SH3BGRL: variants seen among roughly 807,000 people sequenced by gnomAD.
The protein encoded by SH3BGRL is adapter SH3BGRL.
Under a neutral mutation model 9.8 loss-of-function variants are expected in SH3BGRL, and 7 were observed. The observed-to-expected ratio is 0.72, with a 90% CI of 0.41 to 1.35. The LOEUF is 1.35. SH3BGRL is among the 40% of genes most tolerant of loss of function. The pLI is 0.01. For synonymous variants in SH3BGRL, 36 were observed against 29.1 expected, an observed-to-expected ratio of 1.24 and a Z score of -0.76; for missense variants, 73 against 84.4, an observed-to-expected ratio of 0.86 and a Z score of 0.53.
intron 1 of SH3BGRL, among the ~76,000 whole-genome samples, chrX:81,235,240 G>T (rs998644867): frequency 9.1e-6 from 1 of 109,721 alleles, no homozygotes; most frequent in African/African-American, 3.3e-5. Flanking sequence ...ACATGCTTAT[G>T]AGCTTGAGGA....
At chrX:81,273,831 C>T (rs1486172358) in intron 1 of SH3BGRL, among the ~76,000 whole-genome samples, 1 of 111,009 alleles carries the variant, frequency 9.0e-6, no homozygotes, top group Non-Finnish European at 1.9e-5. Context: ...CTTAGCATGA[C>T]AGAAAGGGAG....
chrX:81,240,074 A>C (rs947932786), intron 1 of SH3BGRL, among the ~76,000 whole-genome samples: 1 of 112,386 alleles, frequency 8.9e-6, no homozygotes, highest in Non-Finnish European at 1.9e-5. Context: ...AATCTCTTGA[A>C]AGTACAAAAT....
chrX:81,273,649 GTTTT>G (rs11354793), intron 1 of SH3BGRL, among the ~76,000 whole-genome samples: 2 of 70,906 alleles, frequency 2.8e-5, no homozygotes, highest in South Asian at 6.6e-4. Flanking sequence ...TGGTTAAATG[GTTTT>G]TTTTTTTTTT....
At chrX:81,241,953 C>G (rs911032645) in intron 1 of SH3BGRL, among the ~76,000 whole-genome samples, 3 of 112,423 alleles carry the variant, frequency 2.7e-5, no homozygotes, top group African/African-American at 9.7e-5. Flanking sequence ...TGTCTGGTCC[C>G]CACACTTGCT....
At chrX:81,260,853 G>A (rs1248706550) in intron 1 of SH3BGRL, among the ~76,000 whole-genome samples, 3 of 110,838 alleles carry the variant, frequency 2.7e-5, no homozygotes, top group Non-Finnish European at 5.7e-5. Flanking sequence ...AACATTATTA[G>A]GCAGGAGTCG....
At chrX:81,230,366 A>C in intron 1 of SH3BGRL, among the ~76,000 whole-genome samples, 1 of 112,148 alleles carries the variant, frequency 8.9e-6, no homozygotes, top group Middle Eastern at 4.6e-3. Flanking sequence ...ATGACTTCTG[A>C]TAAGTGCCAG....
intron 1 of SH3BGRL, among the ~76,000 whole-genome samples, chrX:81,222,494 A>G (rs934178231): frequency 9.1e-6 from 1 of 110,304 alleles, no homozygotes; most frequent in East Asian, 2.9e-4. Flanking sequence ...CCTACAAAGG[A>G]CATGAACTTA....
At chrX:81,231,721 A>C (rs1217623920) in intron 1 of SH3BGRL, among the ~76,000 whole-genome samples, 1 of 111,811 alleles carries the variant, frequency 8.9e-6, no homozygotes, top group Non-Finnish European at 1.9e-5. Context: ...TTCTAAGGAG[A>C]ACCTTTTGGA....
At chrX:81,294,120 A>G (rs1458826008) in intron 3 of SH3BGRL, among the ~76,000 whole-genome samples, 1 of 111,762 alleles carries the variant, frequency 8.9e-6, no homozygotes, top group Non-Finnish European at 1.9e-5. Flanking sequence ...CTGACAATGT[A>G]ATAGAAAAGA....
At chrX:81,297,174 T>A (rs188792664) in intron 3 of SH3BGRL, 21 bp from the exon 4 acceptor site, 1 of 1,200,071 alleles carries the variant, frequency 8.3e-7, no homozygotes, top group Admixed American at 2.2e-5. Context: ...ACTTATCTGT[T>A]TTGTTTGTTT....
intron 1 of SH3BGRL, among the ~76,000 whole-genome samples, chrX:81,223,756 A>G (rs1292651229): frequency 2.7e-5 from 3 of 111,310 alleles, no homozygotes; most frequent in Admixed American, 9.5e-5. Flanking sequence ...GCTAGATTGC[A>G]GTGATGCAGT....
At chrX:81,249,998 T>A (rs1223932163) in intron 1 of SH3BGRL, among the ~76,000 whole-genome samples, 2 of 110,684 alleles carry the variant, frequency 1.8e-5, no homozygotes, top group African/African-American at 3.3e-5. Context: ...ATTTAAAAAA[T>A]ATTTTTAATA....
chrX:81,213,438 TA>T lies in SH3BGRL; in HGVS notation c.45+11198del, dbSNP rs768724247. ...CATTATGCTAGGTAAAAGCATATGATAAAAAGATAGATGGCATGTTGCACAT... is the reference window on the plus strand; with the variant it reads ...CATTATGCTAGGTAAAAGCATATGATAAAAGATAGATGGCATGTTGCACAT... On this transcript the variant is annotated intron_variant, in intron 1 of 3. Transcript: ENST00000373212. 3.6e-5 allele frequency among the ~76,000 whole-genome samples: 4 copies of T among 112,502 alleles called. No individual in the cohort carries two copies. In the East Asian group the frequency reaches 1.1e-3, roughly 31 times the overall value.
chrX:81,284,228 G>T (rs1480503461), intron 3 of SH3BGRL, among the ~76,000 whole-genome samples: 1 of 111,111 alleles, frequency 9.0e-6, no homozygotes, highest in East Asian at 2.8e-4. Flanking sequence ...TTGTGAAAAT[G>T]ACCAAACTGC....
intron 1 of SH3BGRL, among the ~76,000 whole-genome samples, chrX:81,239,061 C>T (rs1299938156): frequency 1.8e-5 from 2 of 111,833 alleles, no homozygotes; most frequent in Non-Finnish European, 3.8e-5. Flanking sequence ...AAGAGAGGTA[C>T]AAACAAGCCC....
At chrX:81,216,583 C>A (rs2075582035) in intron 1 of SH3BGRL, among the ~76,000 whole-genome samples, 1 of 111,041 alleles carries the variant, frequency 9.0e-6, no homozygotes, top group Non-Finnish European at 1.9e-5. Flanking sequence ...CCCCATCCTC[C>A]CTACCCTACC....
At chrX:81,207,972 C>G (rs1192778920) in intron 1 of SH3BGRL, among the ~76,000 whole-genome samples, 1 of 111,463 alleles carries the variant, frequency 9.0e-6, no homozygotes, top group Non-Finnish European at 1.9e-5. Context: ...GATTAATTAT[C>G]TGGGCCGGGC....
chrX:81,204,394 T>G (rs1003464984), intron 1 of SH3BGRL, among the ~76,000 whole-genome samples: 5 of 111,904 alleles, frequency 4.5e-5, no homozygotes, highest in African/African-American at 1.6e-4. Context: ...AAAGTTTTCC[T>G]TTAAGATTGA....
At chrX:81,232,122 T>C (rs758441439) in intron 1 of SH3BGRL, among the ~76,000 whole-genome samples, 1 of 111,311 alleles carries the variant, frequency 9.0e-6, no homozygotes, top group African/African-American at 3.3e-5. Context: ...AGCACAGTGC[T>C]TAAAACAGTA....
Sources: gnomAD v4.1 joint callset for allele counts (sites outside exome capture counted in the v4.1 genomes callset) on GRCh38, gnomAD v4.1.1 for gene constraint, MANE v1.5 for transcripts, NCBI Gene and HGNC (gene_info 2026-07-23, HGNC 2026-07-21) for gene names.